Variants in CDH18 observed in about 807,000 individuals in gnomAD.
The protein encoded by CDH18 is cadherin-18.
Under a neutral mutation model 67.9 loss-of-function variants are expected in CDH18, and 31 were observed. That is an observed-to-expected ratio of 0.46 (90% CI 0.34 to 0.62). The LOEUF (loss-of-function observed/expected upper bound fraction) is 0.62, where lower values mean the gene tolerates loss of function less well. CDH18 is among the 20% of genes least tolerant of loss of function. The pLI is 0.01. For missense variants in CDH18, 890 were observed against 975.5 expected, an observed-to-expected ratio of 0.91 and a Z score of 1.17; for synonymous variants, 362 against 347.2, an observed-to-expected ratio of 1.04 and a Z score of -0.48.
chr5:19,760,006 A>G (rs2149700483), intron 3 of CDH18, among the ~76,000 whole-genome samples: 1 of 152,214 alleles, frequency 6.6e-6, no homozygotes, highest in Middle Eastern at 3.4e-3. Context: ...GCTTCCTATC[A>G]ATTTCACTTC....
At chr5:19,604,821 T>A (rs1580449273) in intron 6 of CDH18, among the ~76,000 whole-genome samples, 1 of 152,038 alleles carries the variant, frequency 6.6e-6, no homozygotes, top group South Asian at 2.1e-4. Context: ...ACATGCACTA[T>A]AGGAAAGCTG....
chr5:20,495,004 G>A (rs1197370280), intron 1 of CDH18, among the ~76,000 whole-genome samples: 1 of 152,168 alleles, frequency 6.6e-6, no homozygotes, highest in Admixed American at 6.6e-5. Context: ...CAACTCCACA[G>A]TTGAATGACG....
intron 6 of CDH18, among the ~76,000 whole-genome samples, chr5:19,595,628 T>TA (rs367723516): frequency 7.9e-5 from 12 of 152,032 alleles, no homozygotes; most frequent in African/African-American, 2.7e-4. Flanking sequence ...ATCTCAAAAA[T>TA]AAAAAAATCA....
intron 2 of CDH18, among the ~76,000 whole-genome samples, chr5:20,250,072 T>G (rs1743714608): frequency 6.6e-6 from 1 of 152,184 alleles, no homozygotes; most frequent in Admixed American, 6.5e-5. Flanking sequence ...GCTCTCAGAA[T>G]GTTATATTTT....
At chr5:19,875,428 AT>A (rs1354660052) in intron 2 of CDH18, among the ~76,000 whole-genome samples, 7 of 149,572 alleles carry the variant, frequency 4.7e-5, no homozygotes, top group African/African-American at 1.8e-4. Context: ...AGATAGATAG[AT>A]AGATAGATAG....
At chr5:19,838,712 C>A in intron 3 of CDH18, 47 bp downstream of exon 3, 1 of 1,319,732 alleles carries the variant, frequency 7.6e-7, no homozygotes, top group East Asian at 2.3e-5. Flanking sequence ...CATCTTACCC[C>A]ACAATTTCTC....
intron 3 of CDH18, among the ~76,000 whole-genome samples, chr5:19,777,733 G>A (rs765311933): frequency 2.0e-5 from 3 of 152,126 alleles, no homozygotes; most frequent in Non-Finnish European, 2.9e-5. Context: ...AAGTTTCTCC[G>A]ATATTTTCAA....
chr5:19,497,994 A>T (rs544714105), intron 11 of CDH18, among the ~76,000 whole-genome samples: 7 of 152,196 alleles, frequency 4.6e-5, no homozygotes, highest in African/African-American at 1.7e-4. Flanking sequence ...AGCAAGGAGC[A>T]TAAGTTCTTC....
At chr5:19,603,681 A>G (rs539363898) in intron 6 of CDH18, among the ~76,000 whole-genome samples, 41 of 151,544 alleles carry the variant, frequency 2.7e-4, no homozygotes, top group African/African-American at 9.4e-4. Flanking sequence ...ACCAAAATAT[A>G]TAATTATCTT....
intron 2 of CDH18, among the ~76,000 whole-genome samples, chr5:20,015,948 G>T (rs563535061): frequency 6.6e-6 from 1 of 152,158 alleles, no homozygotes; most frequent in South Asian, 2.1e-4. Flanking sequence ...TAAATTAAAA[G>T]ATTTGTGGTT....
intron 11 of CDH18, among the ~76,000 whole-genome samples, chr5:19,493,159 A>C (rs1741744750): frequency 6.6e-6 from 1 of 152,162 alleles, no homozygotes; most frequent in Non-Finnish European, 1.5e-5. Context: ...CACTTTTAAC[A>C]ATACAATTTG....
At chr5:20,426,549 G>A (rs1384721917) in intron 1 of CDH18, among the ~76,000 whole-genome samples, 1 of 150,992 alleles carries the variant, frequency 6.6e-6, no homozygotes, top group Non-Finnish European at 1.5e-5. Flanking sequence ...TGTATTATCA[G>A]ATATTAATCA....
intron 10 of CDH18, among the ~76,000 whole-genome samples, chr5:19,517,302 T>G (rs1746183185): frequency 6.6e-6 from 1 of 152,178 alleles, no homozygotes; most frequent in Non-Finnish European, 1.5e-5. Context: ...TCTTGTATTT[T>G]GCCCATTTTC....
intron 2 of CDH18, among the ~76,000 whole-genome samples, chr5:20,127,299 C>T (rs1748916470): frequency 6.6e-6 from 1 of 152,056 alleles, no homozygotes; most frequent in Non-Finnish European, 1.5e-5. Flanking sequence ...CTGAGGCTTC[C>T]CCAGCCATGC....
chr5:19,528,168 C>A (rs1274823961), intron 9 of CDH18, among the ~76,000 whole-genome samples: 2 of 151,704 alleles, frequency 1.3e-5, no homozygotes, highest in African/African-American at 4.8e-5. Flanking sequence ...TTATTTTCTA[C>A]TTTTTGTAAT....
At chr5:20,235,074 G>C (rs1022037596) in intron 2 of CDH18, among the ~76,000 whole-genome samples, 1 of 151,944 alleles carries the variant, frequency 6.6e-6, no homozygotes, top group Non-Finnish European at 1.5e-5. Flanking sequence ...ATGGCTATCT[G>C]TACACAGAAG....
At chr5:19,909,592 C>A (rs1336970182) in intron 2 of CDH18, among the ~76,000 whole-genome samples, 6 of 151,948 alleles carry the variant, frequency 3.9e-5, no homozygotes, top group African/African-American at 1.2e-4. Flanking sequence ...CAGCCAGCCA[C>A]TTCTGCTATG....
chr5:20,024,530 G>A (rs185349268), intron 2 of CDH18, among the ~76,000 whole-genome samples: 34 of 152,188 alleles, frequency 2.2e-4, no homozygotes, highest in Admixed American at 3.9e-4. Flanking sequence ...ATGTAACCAC[G>A]GCAAAGAGAA....
intron 1 of CDH18, among the ~76,000 whole-genome samples, chr5:20,393,692 A>G (rs113374302): frequency 0.011 from 1,724 of 152,146 alleles, 43 homozygotes; most frequent in African/African-American, 0.039. Flanking sequence ...TACAAAATCA[A>G]TGTACACAAA....
Sources: allele counts gnomAD v4.1 joint callset (sites outside exome capture counted in the v4.1 genomes callset), GRCh38; gene constraint gnomAD v4.1.1; transcripts MANE v1.5; gene names NCBI Gene and HGNC (gene_info 2026-07-23, HGNC 2026-07-21).